SOX5: variants seen among roughly 807,000 people sequenced by gnomAD.
SOX5 encodes the protein SRY-box transcription factor 5.
Under a neutral mutation model 92.0 loss-of-function variants are expected in SOX5, and 9 were observed. The ratio of observed to expected loss-of-function variants is 0.10; its 90% CI spans 0.06 to 0.17. SOX5 has a LOEUF of 0.17. Ranked by LOEUF, SOX5 falls within the 10% of genes least tolerant of loss-of-function variation. The pLI is 1.00. For missense variants in SOX5, 642 were observed against 944.5 expected (o/e 0.68, Z 4.20); for synonymous variants, 344 against 336.3 (o/e 1.02, Z -0.25).
intron 4 of SOX5, among the ~76,000 whole-genome samples, chr12:24,195,765 T>C (rs1310922121): frequency 6.6e-6 from 1 of 152,168 alleles, no homozygotes; most frequent in Non-Finnish European, 1.5e-5. Context: ...TCAACCAACA[T>C]TTTGAATCAA....
At chr12:24,476,978 C>T (rs1237581560) in intron 1 of SOX5, among the ~76,000 whole-genome samples, 1 of 21,316 alleles carries the variant, frequency 4.7e-5, no homozygotes, top group African/African-American at 2.1e-4. Flanking sequence ...GCCCAGGCAA[C>T]AAAACAAGAC....
intron 6 of SOX5, among the ~76,000 whole-genome samples, chr12:23,707,047 C>T (rs2091472432): frequency 6.6e-6 from 1 of 151,916 alleles, no homozygotes. Context: ...TCCAAATGAT[C>T]AATAATAATA....
intron 1 of SOX5, among the ~76,000 whole-genome samples, chr12:24,489,715 T>C (rs1294684871): frequency 6.6e-6 from 1 of 152,130 alleles, no homozygotes; most frequent in African/African-American, 2.4e-5. Context: ...CCTTAACACA[T>C]ACCCGTTTTC....
At chr12:23,841,861 G>A (rs1399455031) in intron 3 of SOX5, among the ~76,000 whole-genome samples, 1 of 152,076 alleles carries the variant, frequency 6.6e-6, no homozygotes, top group Non-Finnish European at 1.5e-5. Context: ...ACTGTCAGTG[G>A]TAAATGACAA....
At chr12:23,733,452 T>A (rs908886953) in intron 6 of SOX5, among the ~76,000 whole-genome samples, 1 of 152,186 alleles carries the variant, frequency 6.6e-6, no homozygotes, top group Non-Finnish European at 1.5e-5. Flanking sequence ...GAGTGGATTA[T>A]AACATGTTGG....
At position 24,028,260 on chromosome 12, in the gene SOX5, A is replaced by G. The variant is rs12297229; in HGVS notation, c.-1-132236T>C. On this transcript the variant is annotated intron_variant, in intron 4 of 4. Transcript: ENST00000446891. ...TCAATGTCCCTGAGGGCAGGAGATCATAACTGTCTCATTTGGTGCAAAACT... is the reference window on the plus strand; with the variant it reads ...TCAATGTCCCTGAGGGCAGGAGATCGTAACTGTCTCATTTGGTGCAAAACT... Among the ~76,000 whole-genome samples, 942 of 152,104 alleles carry G rather than the reference A, an allele frequency of 6.2e-3. 10 individuals carry two copies. The highest frequency in any genetic ancestry group is 0.021 in the African/African-American group (865 of 41,518).
chr12:23,711,478 T>C (rs2092046848), intron 6 of SOX5, among the ~76,000 whole-genome samples: 2 of 152,228 alleles, frequency 1.3e-5, no homozygotes, highest in South Asian at 2.1e-4. Context: ...ACAATGTTGC[T>C]ACACACATGC....
chr12:24,345,530 G>A (rs1180232450), intron 2 of SOX5, among the ~76,000 whole-genome samples: 1 of 152,060 alleles, frequency 6.6e-6, no homozygotes, highest in Non-Finnish European at 1.5e-5. Flanking sequence ...TTGAGAACAG[G>A]GTAGTGGTCT....
intron 1 of SOX5, among the ~76,000 whole-genome samples, chr12:24,480,860 A>G (rs1945911676): frequency 2.0e-5 from 3 of 152,214 alleles, no homozygotes; most frequent in African/African-American, 7.2e-5. Flanking sequence ...TTCCTCAAAA[A>G]ACTAAAAATA....
At chr12:24,134,993 T>G (rs1258932561) in intron 4 of SOX5, among the ~76,000 whole-genome samples, 1 of 152,138 alleles carries the variant, frequency 6.6e-6, no homozygotes, top group African/African-American at 2.4e-5. Context: ...AGCCTTGCCA[T>G]GAATCAGGCT....
In SOX5 at chr12:23,977,512, A is replaced by G. The variant is rs192905677; in HGVS notation, c.-1-81488T>C. 1.6e-3 allele frequency among the ~76,000 whole-genome samples: 241 copies of G among 152,228 alleles called. 4 individuals carry two copies. The highest frequency in any genetic ancestry group is 6.9e-4 in the Non-Finnish European group (47 of 68,016). ...TGGCGAAATCCCATCTCTACTAAAGAATTAGCCGGGACCGGTGGTGCATGC... is the reference window on the plus strand; with the variant it reads ...TGGCGAAATCCCATCTCTACTAAAGGATTAGCCGGGACCGGTGGTGCATGC... On this transcript the variant is annotated intron_variant, in intron 4 of 4. Coordinates refer to the SOX5 transcript ENST00000446891.
chr12:24,536,962 C>T (rs1381957130), intron 1 of SOX5, among the ~76,000 whole-genome samples: 2 of 152,204 alleles, frequency 1.3e-5, no homozygotes, highest in Non-Finnish European at 2.9e-5. Context: ...AGACAGTCAT[C>T]ATGCCACACA....
At chr12:24,133,584 G>T (rs535614861) in intron 4 of SOX5, among the ~76,000 whole-genome samples, 52 of 152,132 alleles carry the variant, frequency 3.4e-4, no homozygotes, top group Non-Finnish European at 5.9e-4. Context: ...AGCACAAAGG[G>T]GGGTGTGGGG....
intron 3 of SOX5, among the ~76,000 whole-genome samples, chr12:24,235,699 CAT>C (rs1051253696): frequency 1.1e-4 from 16 of 152,162 alleles, no homozygotes; most frequent in African/African-American, 3.1e-4. Context: ...CTAGTGATTT[CAT>C]ATGTTAATGA....
upstream of SOX5, among the ~76,000 whole-genome samples, chr12:23,949,968 C>T (rs1361187294): frequency 6.6e-6 from 1 of 151,856 alleles, no homozygotes; most frequent in Admixed American, 6.6e-5. Context: ...TTAATTCTCT[C>T]TTCTAGACAT....
chr12:24,250,605 A>C (rs938436779), intron 3 of SOX5, among the ~76,000 whole-genome samples: 1 of 152,244 alleles, frequency 6.6e-6, no homozygotes, highest in African/African-American at 2.4e-5. Context: ...CATCTTCGAA[A>C]TCAAAAAGCT....
At chr12:24,125,810 T>C (rs1238087136) in intron 4 of SOX5, among the ~76,000 whole-genome samples, 1 of 152,142 alleles carries the variant, frequency 6.6e-6, no homozygotes, top group African/African-American at 2.4e-5. Flanking sequence ...AGCTTTCTTT[T>C]GGGGATATTT....
intron 1 of SOX5, among the ~76,000 whole-genome samples, chr12:24,521,335 G>A (rs533118444): frequency 8.5e-5 from 13 of 152,288 alleles, no homozygotes; most frequent in African/African-American, 2.2e-4. Context: ...GATTACAGGC[G>A]TGAGCCACCA....
chr12:23,872,391 G>A (rs77837243), intron 2 of SOX5, among the ~76,000 whole-genome samples: 7,613 of 151,402 alleles, frequency 0.05, 236 homozygotes, highest in African/African-American at 0.074. Flanking sequence ...ACAATTCTAC[G>A]AGCTTTCACC....
Sources: gnomAD v4.1 joint callset for allele counts (sites outside exome capture counted in the v4.1 genomes callset) on GRCh38, gnomAD v4.1.1 for gene constraint, MANE v1.5 for transcripts, NCBI Gene and HGNC (gene_info 2026-07-23, HGNC 2026-07-21) for gene names.